Variants in SLC25A26 observed in about 807,000 individuals in gnomAD.
SLC25A26 encodes solute carrier family 25 member 26, also known as mitochondrial S-adenosylmethionine carrier protein.
In SLC25A26, 36 loss-of-function variants were observed where a neutral mutation model predicts 37.8. The ratio of observed to expected loss-of-function variants is 0.95; its 90% confidence interval spans 0.73 to 1.26. The LOEUF (loss-of-function observed/expected upper bound fraction) is 1.26, where lower values mean the gene tolerates loss of function less well. Ranked by LOEUF, SLC25A26 falls within the 50% of genes most tolerant of loss-of-function variation. The pLI is 0.00. For synonymous variants in SLC25A26, 129 were observed against 122.5 expected (o/e 1.05, Z -0.35); for missense variants, 390 against 331.1 (o/e 1.18, Z -1.38).
At chr3:66,367,995 A>T (rs2076862624) in intron 7 of SLC25A26, among the ~76,000 whole-genome samples, 1 of 152,226 alleles carries the variant, frequency 6.6e-6, no homozygotes, top group Admixed American at 6.5e-5. Flanking sequence ...TGTGACATTC[A>T]GGGGTAACCA....
intron 5 of SLC25A26, among the ~76,000 whole-genome samples, chr3:66,339,316 G>C (rs904891018): frequency 6.6e-6 from 1 of 151,874 alleles, no homozygotes; most frequent in Non-Finnish European, 1.5e-5. Context: ...TATTTTAAAC[G>C]CAAGTCCTTT....
At chr3:66,334,792 A>G (rs2107692886) in intron 5 of SLC25A26, among the ~76,000 whole-genome samples, 1 of 152,328 alleles carries the variant, frequency 6.6e-6, no homozygotes, top group South Asian at 2.1e-4. Context: ...CCCAGAGCTA[A>G]CATGTAATGT....
At chr3:66,342,390 C>G (rs968883694) in intron 5 of SLC25A26, among the ~76,000 whole-genome samples, 3 of 152,000 alleles carry the variant, frequency 2.0e-5, no homozygotes, top group Admixed American at 1.3e-4. Flanking sequence ...AGCTTACAGT[C>G]AAGTCTTACT....
intron 1 of SLC25A26, among the ~76,000 whole-genome samples, chr3:66,184,585 C>CTGCTCACATTGAGTTTACTATGTATTACA (rs2070779665): frequency 1.6e-5 from 2 of 128,136 alleles, no homozygotes; most frequent in Non-Finnish European, 1.7e-5. Flanking sequence ...TCACCTGACT[C>CTGCTCACATTGAGTTTACTATGTATTACA]TGCTCACCTT....
chr3:66,347,063 G>A (rs549752236), intron 6 of SLC25A26, among the ~76,000 whole-genome samples: 1 of 152,158 alleles, frequency 6.6e-6, no homozygotes, highest in African/African-American at 2.4e-5. Context: ...ATGGACATGG[G>A]CAAATATTTC....
intron 5 of SLC25A26, among the ~76,000 whole-genome samples, chr3:66,291,477 G>A (rs2074705224): frequency 6.6e-6 from 1 of 152,156 alleles, no homozygotes; most frequent in African/African-American, 2.4e-5. Context: ...TGCTTTAGCT[G>A]TGTCCCAGAG....
chr3:66,366,942 A>G (rs1239640237), intron 7 of SLC25A26, among the ~76,000 whole-genome samples: 1 of 152,254 alleles, frequency 6.6e-6, no homozygotes, highest in Non-Finnish European at 1.5e-5. Flanking sequence ...TAATCAATGA[A>G]AGTGCCTAGT....
In SLC25A26 at chr3:66,253,371, C is replaced by T. The variant is rs1289177435; in HGVS notation, c.301-8680C>T. ...GCTTGCAGATCGCGCCACTGCACTC[C>T]AGCCTGGGTGACAGAGTGAGACTCC... On this transcript the variant is annotated intron_variant, in intron 3 of 9. Transcript: ENST00000354883. Among the ~76,000 whole-genome samples, 14 of 149,136 alleles carry T rather than the reference C, an allele frequency of 9.4e-5. No homozygotes were observed. In the East Asian group the frequency reaches 2.6e-3, roughly 27 times the overall value.
chr3:66,208,434 G>C (rs1238645172), intron 1 of SLC25A26, among the ~76,000 whole-genome samples: 3 of 151,910 alleles, frequency 2.0e-5, no homozygotes, highest in Admixed American at 6.6e-5. Flanking sequence ...AATTAGGAAA[G>C]AGATTGCCAC....
At chr3:66,159,626 G>A (rs749354086) in intron 1 of SLC25A26, among the ~76,000 whole-genome samples, 18 of 152,232 alleles carry the variant, frequency 1.2e-4, no homozygotes, top group East Asian at 5.8e-4. Context: ...TTTTCCTCCC[G>A]TGGTAATTGC....
At chr3:66,243,850 G>C (rs2072702913) in intron 3 of SLC25A26, among the ~76,000 whole-genome samples, 1 of 152,164 alleles carries the variant, frequency 6.6e-6, no homozygotes, top group Non-Finnish European at 1.5e-5. Flanking sequence ...AGCTCCTCCA[G>C]CTCCCACTGG....
At chr3:66,252,120 A>G (rs937942920) in intron 3 of SLC25A26, among the ~76,000 whole-genome samples, 4 of 152,204 alleles carry the variant, frequency 2.6e-5, no homozygotes, top group Non-Finnish European at 5.9e-5. Context: ...CAAAGGACCA[A>G]AATACCAAAG....
rs79475987 is a variant in SLC25A26, at chr3:66,334,834, C to T, written c.454-11530C>T. Among the ~76,000 whole-genome samples, 455 of 152,140 alleles carry T rather than the reference C, an allele frequency of 3.0e-3. 3 individuals are homozygous for T. The highest frequency in any genetic ancestry group is 0.015 in the East Asian group (80 of 5,162). On this transcript the variant is annotated intron_variant, in intron 5 of 9. Transcript: ENST00000354883. The stretch of plus-strand genomic sequence containing the variant: ...GAAATACACGTGTGATGTATGCCAC[C>T]GAGATTTGAGGGTTGTGTTGTTACT...
intron 1 of SLC25A26, among the ~76,000 whole-genome samples, chr3:66,170,835 G>A (rs1414765780): frequency 1.9e-5 from 2 of 107,800 alleles, no homozygotes; most frequent in African/African-American, 3.7e-5. Context: ...ACGGAGTCTC[G>A]CTCTGTCGCC....
At chr3:66,139,995 C>T (rs1210102314) in intron 1 of SLC25A26, among the ~76,000 whole-genome samples, 1 of 152,142 alleles carries the variant, frequency 6.6e-6, no homozygotes, top group Non-Finnish European at 1.5e-5. Context: ...TTCGTTTAAG[C>T]ACATCAAGAA....
At chr3:66,361,277 T>C (rs1316084579) in intron 6 of SLC25A26, among the ~76,000 whole-genome samples, 4 of 152,200 alleles carry the variant, frequency 2.6e-5, no homozygotes, top group Admixed American at 6.5e-5. Flanking sequence ...ATGTAAAACC[T>C]GAAAGCATAA....
At chr3:66,276,757 T>A (rs1278549160) in intron 5 of SLC25A26, among the ~76,000 whole-genome samples, 1 of 152,152 alleles carries the variant, frequency 6.6e-6, no homozygotes, top group East Asian at 1.9e-4. Context: ...AGATAATTTA[T>A]TGACTAGTGG....
rs2071838900 is a variant in SLC25A26 at position 66,228,060 on chromosome 3, T to A, written c.33+6933T>A. Among the ~76,000 whole-genome samples the A allele has an allele frequency of 1.3e-5, 2 of 152,232 alleles. 1 individual carries two copies. The highest frequency in any genetic ancestry group is 4.1e-4 in the South Asian group (2 of 4,836). On this transcript the variant is annotated intron_variant, in intron 1 of 9. Coordinates refer to ENST00000354883, the MANE Select transcript of SLC25A26 (RefSeq NM_001379210.1). ...CAGGACTTGTGTGACTTGTTTATTT[T>A]TGGCATTTACGTCAGAGTGAGCAGG... is the stretch of plus-strand genomic sequence containing the variant.
intron 1 of SLC25A26, among the ~76,000 whole-genome samples, chr3:66,150,471 C>A (rs2070182289): frequency 7.1e-6 from 1 of 140,120 alleles, no homozygotes; most frequent in Non-Finnish European, 1.5e-5. Flanking sequence ...GCACTCTAGC[C>A]TGGGCAACAG....
Sources: gnomAD v4.1 joint callset for allele counts (sites outside exome capture counted in the v4.1 genomes callset) on GRCh38, gnomAD v4.1.1 for gene constraint, MANE v1.5 for transcripts, NCBI Gene and HGNC (gene_info 2026-07-23, HGNC 2026-07-21) for gene names.